GLRA2: variants seen among roughly 807,000 people sequenced by gnomAD.
GLRA2 encodes the protein glycine receptor subunit alpha-2.
GLRA2 carries 11 observed loss-of-function variants against 31.6 expected under a neutral mutation model. The ratio of observed to expected loss-of-function variants is 0.35; its 90% CI spans 0.22 to 0.58. The LOEUF (loss-of-function observed/expected upper bound fraction) is 0.58. Among genes scored for constraint, GLRA2 ranks in the 20% least tolerant of loss-of-function variants. The probability of loss-of-function intolerance (pLI) is 0.84; values close to 1 mark genes in which losing one functional copy is unlikely to be tolerated. For missense variants in GLRA2, 212 were observed against 351.8 expected (o/e 0.60, Z 3.18); for synonymous variants, 132 against 134.0 (o/e 0.99, Z 0.10).
chrX:14,686,441 G>A (rs1186319575), intron 7 of GLRA2, among the ~76,000 whole-genome samples: 1 of 111,105 alleles, frequency 9.0e-6, no homozygotes, highest in African/African-American at 3.3e-5. Context: ...ATTATTGTGT[G>A]GGAGTCTAAG....
intron 7 of GLRA2, among the ~76,000 whole-genome samples, chrX:14,613,205 A>G (rs996567754): frequency 1.3e-4 from 14 of 111,688 alleles, no homozygotes; most frequent in Non-Finnish European, 1.9e-4. Flanking sequence ...GGTTATTTTT[A>G]TTCTTACTGT....
chrX:14,698,296 T>C (rs2091478729), intron 8 of GLRA2, among the ~76,000 whole-genome samples: 1 of 111,777 alleles, frequency 8.9e-6, no homozygotes, highest in South Asian at 3.7e-4. Flanking sequence ...TTCCCCTAGT[T>C]TGGGGCCCAC....
intron 2 of GLRA2, among the ~76,000 whole-genome samples, chrX:14,547,056 C>T (rs1254383526): frequency 9.0e-6 from 1 of 111,358 alleles, no homozygotes; most frequent in Non-Finnish European, 1.9e-5. Context: ...ATGTAATATG[C>T]TATATACATC....
chrX:14,596,380 T>A (rs2090203758), intron 4 of GLRA2, among the ~76,000 whole-genome samples: 1 of 111,287 alleles, frequency 9.0e-6, no homozygotes, highest in African/African-American at 3.3e-5. Flanking sequence ...TACCATATTC[T>A]TGGTTGCCAG....
chrX:14,486,669 A>G, the GLRA2 span, among the ~76,000 whole-genome samples: 1 of 111,839 alleles, frequency 8.9e-6, no homozygotes, highest in Non-Finnish European at 1.9e-5. Context: ...ATAAACACAA[A>G]TTTAAAAGTT....
intron 8 of GLRA2, among the ~76,000 whole-genome samples, chrX:14,715,129 A>G (rs1201153205): frequency 1.8e-5 from 2 of 112,443 alleles, no homozygotes; most frequent in African/African-American, 6.5e-5. Context: ...TTCCTTGCAA[A>G]TAAGTATGCA....
intron 7 of GLRA2, among the ~76,000 whole-genome samples, chrX:14,690,317 T>C (rs1404883007): frequency 8.9e-6 from 1 of 112,351 alleles, no homozygotes; most frequent in African/African-American, 3.2e-5. Flanking sequence ...AAATTGTATA[T>C]ATTTATGGTG....
chrX:14,476,647 A>G, the GLRA2 span, among the ~76,000 whole-genome samples: 6 of 111,736 alleles, frequency 5.4e-5, no homozygotes, highest in African/African-American at 2.0e-4. Context: ...GGGAAAAGAA[A>G]TGTGTATTGT....
At chrX:14,589,133 G>C (rs2090113146) in intron 4 of GLRA2, among the ~76,000 whole-genome samples, 1 of 111,093 alleles carries the variant, frequency 9.0e-6, no homozygotes, top group African/African-American at 3.3e-5. Flanking sequence ...AGTGGTGACA[G>C]AGGACATCCT....
chrX:14,725,240 C>T (rs1047875183), intron 8 of GLRA2, among the ~76,000 whole-genome samples: 1 of 111,379 alleles, frequency 9.0e-6, no homozygotes, highest in Non-Finnish European at 1.9e-5. Flanking sequence ...CCAAAGTACC[C>T]ATGATACAAA....
At chrX:14,605,309 G>A (rs1406797145) in intron 5 of GLRA2, among the ~76,000 whole-genome samples, 1 of 111,754 alleles carries the variant, frequency 8.9e-6, no homozygotes, top group Non-Finnish European at 1.9e-5. Context: ...TGACAGGGTT[G>A]ATTTCATTCT....
the GLRA2 span, among the ~76,000 whole-genome samples, chrX:14,477,824 C>T: frequency 9.0e-6 from 1 of 110,860 alleles, no homozygotes; most frequent in East Asian, 2.8e-4. Context: ...CATCACCCCA[C>T]TCCCACCCCA....
the GLRA2 span, among the ~76,000 whole-genome samples, chrX:14,452,730 T>A: frequency 8.9e-6 from 1 of 112,137 alleles, no homozygotes; most frequent in African/African-American, 3.2e-5. Context: ...ATACCTAAAG[T>A]TAGGTGCAGA....
intron 2 of GLRA2, among the ~76,000 whole-genome samples, chrX:14,562,952 T>TA (rs1438176138): frequency 8.9e-6 from 1 of 111,893 alleles, no homozygotes; most frequent in Non-Finnish European, 1.9e-5. Flanking sequence ...GAGTATTAAT[T>TA]AAAAAAATAC....
Position 14,724,648 on chromosome X carries a change from A to C in GLRA2, c.1081-5559A>C, listed in dbSNP as rs200720373. 1.3e-3 allele frequency among the ~76,000 whole-genome samples: 123 copies of C among 92,038 alleles called. 1 individual carries two copies. In the East Asian group the frequency reaches 0.035, roughly 26 times the overall value. The allele number at this position is 92,038 out of a possible 115,157, so 79.9% of individuals were successfully genotyped here. On this transcript the variant is annotated intron_variant, in intron 8 of 8. Coordinates refer to ENST00000218075, the MANE Select transcript of GLRA2 (RefSeq NM_002063.4). The stretch of plus-strand genomic sequence containing the variant: ...TCTCAAAAAAAAAAAAAAAAAAAAA[A>C]AAAACAAGAAGAAGAATGGCAGTTG...
rs188732937 is a variant in GLRA2 at position 14,630,470 on chromosome X, A to G, written c.930+21265A>G. On this transcript the variant is annotated intron_variant, in intron 7 of 8. Coordinates refer to ENST00000218075, the MANE Select transcript of GLRA2 (RefSeq NM_002063.4). ...GTGCTTGGAGTTCATCAAGCTTCTT[A>G]GATTTGCAGATTTATAGTTTTCATC... Among the ~76,000 whole-genome samples the G allele has an allele frequency of 1.6e-4, 18 of 111,853 alleles. No individual in the cohort carries two copies. In the East Asian group the frequency reaches 4.8e-3, roughly 30 times the overall value.
intron 7 of GLRA2, among the ~76,000 whole-genome samples, chrX:14,686,491 G>C (rs2091279610): frequency 9.0e-6 from 1 of 110,729 alleles, no homozygotes; most frequent in African/African-American, 3.3e-5. Context: ...TATGAATCTG[G>C]GTGCTCCTGT....
intron 8 of GLRA2, among the ~76,000 whole-genome samples, chrX:14,694,678 T>C (rs1315308204): frequency 8.9e-6 from 1 of 112,338 alleles, no homozygotes; most frequent in African/African-American, 3.2e-5. Context: ...TTCTTTCATT[T>C]GTTCCACAAA....
intron 7 of GLRA2, among the ~76,000 whole-genome samples, chrX:14,618,866 G>A (rs1361273837): frequency 9.0e-6 from 1 of 111,656 alleles, no homozygotes; most frequent in East Asian, 2.8e-4. Flanking sequence ...TTACACGACT[G>A]TACACATTTC....
Sources: gnomAD v4.1 joint callset for allele counts (sites outside exome capture counted in the v4.1 genomes callset) on GRCh38, gnomAD v4.1.1 for gene constraint, MANE v1.5 for transcripts, NCBI Gene and HGNC (gene_info 2026-07-23, HGNC 2026-07-21) for gene names.